RNASEH2B: variants seen among roughly 807,000 people sequenced by gnomAD.
RNASEH2B encodes the protein ribonuclease H2 subunit B.
A neutral mutation model predicts 45.0 loss-of-function variants in RNASEH2B; 36 were observed. The ratio of observed to expected loss-of-function variants is 0.80; its 90% CI spans 0.61 to 1.06. The LOEUF is 1.06. Among genes scored for constraint, RNASEH2B ranks in the 50% least tolerant of loss-of-function variants. The pLI, the probability that RNASEH2B is intolerant of heterozygous loss-of-function variation, is 0.00. For missense variants in RNASEH2B, 361 were observed against 360.3 expected (o/e 1.00, Z -0.02); for synonymous variants, 119 against 125.7 (o/e 0.95, Z 0.35).
chr13:50,927,995 T>C (rs1951622585), intron 2 of RNASEH2B, among the ~76,000 whole-genome samples: 2 of 152,068 alleles, frequency 1.3e-5, no homozygotes, highest in Admixed American at 6.5e-5. Flanking sequence ...GGGGACTTTT[T>C]TTTTTTTAAA....
In RNASEH2B at chr13:50,930,768, C is replaced by T; in HGVS notation, c.321+9C>T. ...TAAAGGCTGATAAGGAGGTGAGTTT[C>T]CAGCTCGGAGCATCCACAGTGAGGA... is the stretch of plus-strand genomic sequence containing the variant. On this transcript the variant is annotated intron_variant, in intron 4 of 10. Coordinates refer to ENST00000336617, the MANE Select transcript of RNASEH2B (RefSeq NM_024570.4). 4 of 1,602,666 alleles carry T rather than the reference C, an allele frequency of 2.5e-6. No individual in the cohort carries two copies. The highest frequency in any genetic ancestry group is 3.4e-6 in the Non-Finnish European group (4 of 1,169,542).
rs1307271194 is a variant in RNASEH2B at position 50,953,945 on chromosome 13, A to T, written c.782A>T (p.Asp261Val). The T allele has an allele frequency of 1.2e-6, 2 of 1,608,760 alleles. No individual in the cohort carries two copies. The highest frequency in any genetic ancestry group is 1.3e-5 in the African/African-American group (1 of 74,792). ...LSDEPVEAKEDYTKFNTKDLK... is the reference protein window; with the variant it reads ...LSDEPVEAKEVYTKFNTKDLK... Reference sequence around the variant, plus strand: ...GATGAGCCTGTAGAAGCAAAAGAAGATTACACTAAGTTTAATACTAAAGAT... The same window carrying T: ...GATGAGCCTGTAGAAGCAAAAGAAGTTTACACTAAGTTTAATACTAAAGAT... The change falls in exon 10 of 11, where the codon GAT becomes GTT. Residue 261 changes from aspartate to valine, a missense_variant. Transcript: ENST00000336617.
At chr13:50,920,007 GTGTTTTGTTT>G (rs201084919) in intron 1 of RNASEH2B, among the ~76,000 whole-genome samples, 4,451 of 149,746 alleles carry the variant, frequency 0.03, 190 homozygotes, top group African/African-American at 0.095. Flanking sequence ...TTTGTTGAGG[GTGTTTTGTTT>G]TGTTTTGTTT....
intron 9 of RNASEH2B, among the ~76,000 whole-genome samples, chr13:50,949,767 C>T (rs568641923): frequency 1.4e-4 from 22 of 152,236 alleles, no homozygotes; most frequent in African/African-American, 4.3e-4. Context: ...ATATTAAAGA[C>T]ATATAGTTAA....
At position 50,910,003 on chromosome 13, in the gene RNASEH2B, C is replaced by G; in HGVS notation, c.-74C>G. 1 of 1,328,116 alleles carries G rather than the reference C, an allele frequency of 7.5e-7. No homozygotes were observed. Among genetic ancestry groups the G allele is most frequent in the Non-Finnish European group, 1.0e-6 (1 of 990,186 alleles). The allele number at this position is 1,328,116 out of a possible 1,614,324, so 82.3% of individuals were successfully genotyped here. Reference sequence around the variant, plus strand: ...CGCCACCCGGAACAGACCCTTCTCCCGCCATTTTCGGCGGGGCTGGGAGAC... The same window carrying G: ...CGCCACCCGGAACAGACCCTTCTCCGGCCATTTTCGGCGGGGCTGGGAGAC... On this transcript the variant is annotated 5_prime_UTR_variant, in exon 1 of 11. Transcript: ENST00000336617.
Position 50,934,935 on chromosome 13 carries a change from T to G in RNASEH2B, c.372T>G (p.Asn124Lys). The G allele has an allele frequency of 6.2e-7, 1 of 1,614,072 alleles. No individual in the cohort carries two copies. The highest frequency in any genetic ancestry group is 8.5e-7 in the Non-Finnish European group (1 of 1,179,950). Residue 124 changes from asparagine to lysine, a missense_variant, in exon 5 of 11, where the codon AAT (asparagine) becomes AAG (lysine). Transcript: ENST00000336617. The part of the protein sequence containing the change: ...DQVVVDNVFP[N>K]CILLLKLPGL... ...TTGTGGTGGATAACGTGTTTCCAAA[T>G]TGCATCTTGTTGCTGAAACTTCCTG...
At position 50,912,639 on chromosome 13, in the gene RNASEH2B, G is replaced by C. The variant is rs1566072654; in HGVS notation, c.64+2499G>C. On this transcript the variant is annotated intron_variant, in intron 1 of 10. Transcript: ENST00000336617. Reference sequence around the variant, plus strand: ...AGTTACCCATTCGGGAGTTGGAAACGATATGCCCTTGGCTGAGGGAGCACC... The same window carrying C: ...AGTTACCCATTCGGGAGTTGGAAACCATATGCCCTTGGCTGAGGGAGCACC... 3 of 152,342 alleles carry C rather than the reference G, an allele frequency of 2.0e-5. No individual in the cohort carries two copies. The South Asian group carries it at 6.2e-4, about 32-fold the overall frequency. The allele number at this position is 152,342 out of a possible 1,614,324, so 9.4% of individuals were successfully genotyped here.
At chr13:50,959,015 G>A (rs1036253258), downstream of RNASEH2B, among the ~76,000 whole-genome samples, 4 of 152,130 alleles carry the variant, frequency 2.6e-5, no homozygotes, top group Admixed American at 1.3e-4. Context: ...CACCTTGTTA[G>A]CATTGGTTGT....
At chr13:50,947,473 A>G (rs1180793257) in intron 7 of RNASEH2B, among the ~76,000 whole-genome samples, 3 of 151,808 alleles carry the variant, frequency 2.0e-5, no homozygotes, top group African/African-American at 7.3e-5. Flanking sequence ...AACTATATAT[A>G]TATATTTCAG....
chr13:50,964,728 G>A (rs566490341), intron 9 of RNASEH2B, among the ~76,000 whole-genome samples: 35 of 152,260 alleles, frequency 2.3e-4, no homozygotes, highest in Non-Finnish European at 4.0e-4. Context: ...CAGCAAAGTC[G>A]AGATCTTTAT....
chr13:50,939,211 G>C (rs1395986465), intron 5 of RNASEH2B: 2 of 152,394 alleles, frequency 1.3e-5, no homozygotes, highest in African/African-American at 4.8e-5. Flanking sequence ...AAGAACATTA[G>C]CCAGGTGTGG....
intron 9 of RNASEH2B, 103 bp downstream of exon 9, chr13:50,949,608 C>G: frequency 9.4e-7 from 1 of 1,067,078 alleles, no homozygotes; most frequent in Non-Finnish European, 1.5e-6. Context: ...TGTACTAAAT[C>G]CATTTTGCAT....
intron 5 of RNASEH2B, chr13:50,935,277 A>G (rs532580546): frequency 2.3e-6 from 1 of 441,122 alleles, no homozygotes; most frequent in African/African-American, 2.0e-5. Context: ...GTTCTGTGAC[A>G]TCAGGCAAGT....
downstream of RNASEH2B, among the ~76,000 whole-genome samples, chr13:50,960,857 G>T (rs1246891712): frequency 6.6e-6 from 1 of 152,104 alleles, no homozygotes; most frequent in Non-Finnish European, 1.5e-5. Flanking sequence ...TCTATTGCTG[G>T]AAAATGTTTA....
intron 5 of RNASEH2B, chr13:50,936,400 G>C (rs1951752772): frequency 6.6e-6 from 1 of 152,166 alleles, no homozygotes; most frequent in South Asian, 2.1e-4. Flanking sequence ...TCCAAGAAGT[G>C]TAAGCTTACA....
downstream of RNASEH2B, chr13:50,956,827 A>T (rs957873390): frequency 1.5e-6 from 1 of 681,622 alleles, no homozygotes; most frequent in African/African-American, 2.0e-5. Context: ...AATATTTTCA[A>T]TATACTGAGA....
At chr13:50,945,735 CTTAAG>C (rs1192425759) in intron 7 of RNASEH2B, among the ~76,000 whole-genome samples, 2 of 152,124 alleles carry the variant, frequency 1.3e-5, no homozygotes, top group African/African-American at 2.4e-5. Flanking sequence ...TTCATTGATA[CTTAAG>C]TTATTTATTC....
In RNASEH2B at chr13:50,929,488, T is replaced by C; in HGVS notation, c.150T>C (p.Ile50=). 7 of 1,612,240 alleles carry C rather than the reference T, an allele frequency of 4.3e-6. No homozygotes were observed. The highest frequency in any genetic ancestry group is 5.9e-6 in the Non-Finnish European group (7 of 1,178,378). Residue 50 remains isoleucine, a synonymous_variant, in exon 3 of 11, where the codon ATT becomes ATC. Transcript: ENST00000336617. ...LVNPCSGEGA[I]YLFNMCLQQL... ...TTGTCTTAACAGGAGAAGGAGCCAT[T>C]TACTTGTTCAATATGTGTCTACAGC...
intron 5 of RNASEH2B, chr13:50,938,213 T>TGTAACTAGTGCTAA (rs1392694900): frequency 2.0e-5 from 3 of 152,160 alleles, no homozygotes; most frequent in Non-Finnish European, 2.9e-5. Context: ...TGTAACACAA[T>TGTAACTAGTGCTAA]ATGTTCAAGA....
Sources: allele counts gnomAD v4.1 joint callset (sites outside exome capture counted in the v4.1 genomes callset), GRCh38; gene constraint gnomAD v4.1.1; transcripts MANE v1.5; gene names NCBI Gene and HGNC (gene_info 2026-07-23, HGNC 2026-07-21).